The following EIF4A2 variants were observed in gnomAD, a reference collection of about 807,000 sequenced individuals.
The protein encoded by EIF4A2 is eukaryotic initiation factor 4A-II.
In EIF4A2, 9 loss-of-function variants were observed where a neutral mutation model predicts 50.6. That is an observed-to-expected ratio of 0.18 (90% CI 0.11 to 0.31). The LOEUF is 0.31. Ranked by LOEUF, EIF4A2 falls within the 10% of genes least tolerant of loss-of-function variation. EIF4A2 has a pLI of 1.00. For missense variants in EIF4A2, 182 were observed against 501.8 expected (o/e 0.36, Z 6.09); for synonymous variants, 215 against 164.4 (o/e 1.31, Z -2.35).
At chr3:186,788,454 T>C in intron 10 of EIF4A2, 1 of 1,231,296 alleles carries the variant, frequency 8.1e-7, no homozygotes, top group Non-Finnish European at 1.0e-6. Context: ...GTCATGATTA[T>C]TTGATTTTTA....
Position 186,789,267 on chromosome 3 carries a change from T to TA in EIF4A2, c.1224dup. 1 of 1,606,038 alleles carries TA rather than the reference T, an allele frequency of 6.2e-7. No individual in the cohort carries two copies. Residue 408 remains the stop codon, a frameshift_variant and stop_retained_variant, in exon 11 of 11, where the codon TAA becomes TAAA. Coordinates refer to ENST00000323963, the MANE Select transcript of EIF4A2 (RefSeq NM_001967.4). LOFTEE classifies it high-confidence loss of function. ...EMPMNVADLI[*] is the part of the protein sequence containing the mutation. ...GCCCATGAATGTGGCTGACCTTATT[T>TA]AATTCCTGGGATGAGAGTTTTGGAT...
chr3:186,785,795 C>G (rs1429238032), intron 4 of EIF4A2, 88 bp from the exon 5 acceptor site: 6 of 1,497,056 alleles, frequency 4.0e-6, no homozygotes, highest in Non-Finnish European at 5.4e-6. Context: ...AAGCTGTTGG[C>G]AGACCAGATT....
chr3:186,784,781 T>C (rs1721592325), intron 3 of EIF4A2, 85 bp downstream of exon 3: 1 of 1,605,452 alleles, frequency 6.2e-7, no homozygotes, highest in African/African-American at 1.3e-5. Context: ...GACTAGCACC[T>C]GTTTGTATTC....
chr3:186,787,077 A>G (rs954408803), intron 7 of EIF4A2, 50 bp from the exon 8 acceptor site: 29 of 1,608,356 alleles, frequency 1.8e-5, no homozygotes, highest in Non-Finnish European at 2.5e-5. Flanking sequence ...TTTTAACTGA[A>G]GAGTTGGAAA....
chr3:186,788,433 G>T, intron 10 of EIF4A2: 2 of 1,231,988 alleles, frequency 1.6e-6, no homozygotes, highest in Non-Finnish European at 2.1e-6. Context: ...ATTTATATTT[G>T]TTTTTCTTTT....
At chr3:186,786,968 C>G (rs1011088217) in intron 7 of EIF4A2, 159 bp from the exon 8 acceptor site, 2 of 1,154,384 alleles carry the variant, frequency 1.7e-6, no homozygotes, top group East Asian at 2.4e-5. Context: ...GTTTCACTTT[C>G]TTGAAACCCT....
chr3:186,784,821 C>G, intron 3 of EIF4A2, 125 bp downstream of exon 3: 2 of 1,598,082 alleles, frequency 1.3e-6, no homozygotes, highest in Non-Finnish European at 8.5e-7. Flanking sequence ...AATCATCTTT[C>G]GGGACTGACC....
intron 1 of EIF4A2, 59 bp from the exon 2 acceptor site, chr3:186,784,373 T>C: frequency 6.2e-7 from 1 of 1,613,512 alleles, no homozygotes; most frequent in Non-Finnish European, 8.5e-7. Context: ...GGCTATGCGC[T>C]TAAGGTGCAG....
In EIF4A2 at chr3:186,787,877, T is replaced by C; in HGVS notation, c.1074T>C (p.Ile358=). 1 of 1,613,718 alleles carries C rather than the reference T, an allele frequency of 6.2e-7. No homozygotes were observed. Among genetic ancestry groups the C allele is most frequent in the Non-Finnish European group, 8.5e-7 (1 of 1,179,948 alleles). ...TACCTACCAATCGTGAAAACTATAT[T>C]CACAGGTGAGAAGCCAGCATCTTGG... ...YDLPTNRENY[I]HRIGRGGRFG... Residue 358 remains isoleucine (I), a synonymous_variant, in exon 10 of 11, where the codon ATT becomes ATC. Transcript: ENST00000323963.
At position 186,783,907 on chromosome 3, in the gene EIF4A2, C is replaced by T. The variant is rs997133130; in HGVS notation, c.29+268C>T. ...CTGCTTTCCTTCCCAGTGTAGAGCA[C>T]GGGAAACATGGAGTAAAAAGCCGTG... On this transcript the variant is annotated intron_variant, in intron 1 of 10. Coordinates refer to ENST00000323963, the MANE Select transcript of EIF4A2 (RefSeq NM_001967.4). 9 of 535,362 alleles carry T rather than the reference C, an allele frequency of 1.7e-5. No homozygotes were observed. In the South Asian group the frequency reaches 2.0e-4, roughly 12 times the overall value. The allele number at this position is 535,362 out of a possible 1,614,324, so 33.2% of individuals were successfully genotyped here.
In EIF4A2 at chr3:186,786,063, C is replaced by CT. The variant is rs1374296368; in HGVS notation, c.517+15dup. ...CAGAAGATACCTTTGTAAGTATTGTCTTTAAGAGAGTATTTTTTTTAAAAC... is the reference window on the plus strand; with the variant it reads ...CAGAAGATACCTTTGTAAGTATTGTCTTTTAAGAGAGTATTTTTTTTAAAAC... On this transcript the variant is annotated intron_variant, in intron 5 of 10. Coordinates refer to ENST00000323963, the MANE Select transcript of EIF4A2 (RefSeq NM_001967.4). 6.2e-6 allele frequency: 10 copies of CT among 1,601,394 alleles called. No individual in the cohort carries two copies. The highest frequency in any genetic ancestry group is 1.1e-5 in the South Asian group (1 of 90,814).
chr3:186,785,549 G>GA (rs933020059), intron 4 of EIF4A2: 1 of 313,662 alleles, frequency 3.2e-6, no homozygotes, highest in Non-Finnish European at 6.0e-6. Flanking sequence ...CCCTCTGGGG[G>GA]AAAAAAATCA....
rs762479642 is a variant in EIF4A2 at position 186,786,159 on chromosome 3, A to C, written c.518-5A>C. 6.2e-7 allele frequency: 1 copy of C among 1,612,870 alleles called. No individual in the cohort carries two copies. The highest frequency in any genetic ancestry group is 1.1e-5 in the South Asian group (1 of 90,980). ...GAAATGACAGTATGACTTTGTTTCTAACAGCTCCAAAATGGATCAAAATGT... is the reference window on the plus strand; with the variant it reads ...GAAATGACAGTATGACTTTGTTTCTCACAGCTCCAAAATGGATCAAAATGT... On this transcript the variant is annotated splice_polypyrimidine_tract_variant and splice_region_variant and intron_variant, in intron 5 of 10. Transcript: ENST00000323963.
At chr3:186,786,854 A>G (rs759449642) in intron 7 of EIF4A2, 1 of 881,442 alleles carries the variant, frequency 1.1e-6, no homozygotes, top group Non-Finnish European at 1.9e-6. Flanking sequence ...GCAATATCTC[A>G]TTAGACCTAA....
chr3:186,788,762 C>T, intron 10 of EIF4A2: 1 of 237,532 alleles, frequency 4.2e-6, no homozygotes, highest in Admixed American at 5.2e-5. Context: ...GATTACATAA[C>T]TGCTCTTTTA....
chr3:186,789,221 C>T lies in EIF4A2; in HGVS notation c.1176C>T (p.Tyr392=). ...TTCTTCGTGACATTGAGACTTTCTACAATACTACAGTGGAGGAGATGCCCA... is the reference window on the plus strand; with the variant it reads ...TTCTTCGTGACATTGAGACTTTCTATAATACTACAGTGGAGGAGATGCCCA... ...KRILRDIETF[Y]NTTVEEMPMN... is the part of the protein sequence containing the mutation. The change falls in exon 11 of 11, where the codon TAC becomes TAT. Residue 392 remains tyrosine, a synonymous_variant. Coordinates refer to ENST00000323963, the MANE Select transcript of EIF4A2 (RefSeq NM_001967.4). 6.2e-7 allele frequency: 1 copy of T among 1,613,008 alleles called. No individual in the cohort carries two copies. Among genetic ancestry groups the T allele is most frequent in the Non-Finnish European group, 8.5e-7 (1 of 1,179,722 alleles).
At position 186,786,179 on chromosome 3, in the gene EIF4A2, A is replaced by G; in HGVS notation, c.533A>G (p.Lys178Arg). ...NRRYLSPKWI[K>R]MFVLDEADEM... ...TTTCTAACAGCTCCAAAATGGATCAAAATGTTTGTTTTGGATGAAGCAGAT... is the reference window on the plus strand; with the variant it reads ...TTTCTAACAGCTCCAAAATGGATCAGAATGTTTGTTTTGGATGAAGCAGAT... The change falls in exon 6 of 11, where the codon AAA (lysine) becomes AGA (arginine). Residue 178 changes from lysine (K) to arginine (R), a missense_variant. Physicochemically the swap from Lys to Arg is conservative, Grantham distance 26. Transcript: ENST00000323963. 1 of 1,613,878 alleles carries G rather than the reference A, an allele frequency of 6.2e-7. No individual in the cohort carries two copies. Among genetic ancestry groups the G allele is most frequent in the Non-Finnish European group, 8.5e-7 (1 of 1,179,842 alleles).
intron 10 of EIF4A2, 178 bp downstream of exon 10, chr3:186,788,060 T>TA: frequency 1.3e-6 from 1 of 774,400 alleles, no homozygotes; most frequent in South Asian, 1.9e-5. Context: ...GGAAAACTTG[T>TA]AAACATTGCC....
chr3:186,787,702 TG>T (rs1560086367), intron 9 of EIF4A2, 100 bp from the exon 10 acceptor site: 2 of 1,575,210 alleles, frequency 1.3e-6, no homozygotes, highest in African/African-American at 1.3e-5. Flanking sequence ...CACTCCACAG[TG>T]GGCTATACCA....
Sources: gnomAD v4.1 joint callset for allele counts on GRCh38, gnomAD v4.1.1 for gene constraint, MANE v1.5 for transcripts, NCBI Gene and HGNC (gene_info 2026-07-23, HGNC 2026-07-21) for gene names.